The following RPN2 variants were observed in gnomAD, a reference collection of about 807,000 sequenced individuals.
RPN2 encodes dolichyl-diphosphooligosaccharide--protein glycosyltransferase subunit 2.
A neutral mutation model predicts 71.4 loss-of-function variants in RPN2; 29 were observed. The ratio of observed to expected loss-of-function variants is 0.41; its 90% CI spans 0.30 to 0.55. RPN2 has a LOEUF of 0.55. Ranked by LOEUF, RPN2 falls within the 20% of genes least tolerant of loss-of-function variation. The pLI is 0.35. For synonymous variants in RPN2, 308 were observed against 305.0 expected, an observed-to-expected ratio of 1.01 and a Z score of -0.10; for missense variants, 726 against 774.1, an observed-to-expected ratio of 0.94 and a Z score of 0.74.
intron 11 of RPN2, among the ~76,000 whole-genome samples, chr20:37,227,458 C>G (rs1010105746): frequency 1.4e-4 from 22 of 152,162 alleles, no homozygotes; most frequent in African/African-American, 4.8e-4. Context: ...GGAAGGAGAT[C>G]TGGCATCCGG....
At chr20:37,187,913 G>A (rs908145780) in intron 2 of RPN2, among the ~76,000 whole-genome samples, 3 of 152,084 alleles carry the variant, frequency 2.0e-5, no homozygotes, top group Non-Finnish European at 4.4e-5. Context: ...AAAATGCTGG[G>A]ATTACACGCG....
rs149620803 is a variant in RPN2, at chr20:37,196,833, G to A, written c.208-1564G>A. On this transcript the variant is annotated intron_variant, in intron 2 of 16. Coordinates refer to ENST00000237530, the MANE Select transcript of RPN2 (RefSeq NM_002951.5). The stretch of plus-strand genomic sequence containing the variant: ...CGGGGGCTTGGCGATTTTGTGATGT[G>A]TTTCCTTTGTGCCAGTCACTGTGAT... Among the ~76,000 whole-genome samples the A allele has an allele frequency of 2.0e-5, 3 of 152,300 alleles. No homozygotes were observed. In the East Asian group the frequency reaches 5.8e-4, roughly 29 times the overall value.
At chr20:37,188,592 G>A (rs1004886398) in intron 2 of RPN2, among the ~76,000 whole-genome samples, 3 of 149,712 alleles carry the variant, frequency 2.0e-5, no homozygotes, top group Non-Finnish European at 4.4e-5. Context: ...ATTCTGTCAA[G>A]GGCAGAATTG....
intron 14 of RPN2, 133 bp from the exon 15 acceptor site, chr20:37,233,887 G>T: frequency 1.0e-6 from 1 of 1,003,782 alleles, no homozygotes. Context: ...TCACTTGGAA[G>T]AATTGCCTGT....
chr20:37,186,068 C>T (rs1451757650), intron 2 of RPN2, among the ~76,000 whole-genome samples: 1 of 152,242 alleles, frequency 6.6e-6, no homozygotes, highest in Non-Finnish European at 1.5e-5. Flanking sequence ...CACATGGCCC[C>T]TCCACCTTTA....
intron 9 of RPN2, among the ~76,000 whole-genome samples, chr20:37,215,288 G>A (rs1237044299): frequency 6.6e-6 from 1 of 152,122 alleles, no homozygotes; most frequent in African/African-American, 2.4e-5. Context: ...CTTCCCATAG[G>A]TAGATTCAAC....
intron 1 of RPN2, among the ~76,000 whole-genome samples, chr20:37,180,953 G>T (rs1195772336): frequency 6.6e-6 from 1 of 152,140 alleles, no homozygotes; most frequent in African/African-American, 2.4e-5. Flanking sequence ...GTCTCCAGCC[G>T]GGTGCGGTAG....
chr20:37,196,967 T>G (rs1256527882), intron 2 of RPN2, among the ~76,000 whole-genome samples: 1 of 152,074 alleles, frequency 6.6e-6, no homozygotes, highest in African/African-American at 2.4e-5. Context: ...ATACCTGGCC[T>G]CTCCTGGGAG....
In RPN2 at chr20:37,236,651, C is replaced by T. The variant is rs4608; in HGVS notation, c.1825C>T (p.Leu609=). 1,266,636 of 1,613,738 alleles carry T rather than the reference C, an allele frequency of 0.78. 500,576 individuals are homozygous for T. The highest frequency in any genetic ancestry group is 0.86 in the Middle Eastern group (5,191 of 6,062). The change falls in exon 16 of 17, where the codon CTG becomes TTG. Residue 609 remains leucine, a synonymous_variant. Coordinates refer to ENST00000237530, the MANE Select transcript of RPN2 (RefSeq NM_002951.5). The part of the protein sequence containing the change: ...MFQTLKYLAI[L]GSVTFLAGNR... ...CCAGACCTTGAAGTACCTGGCCATC[C>T]TGGGCAGTGTGACGTTTCTGGCTGG...
rs767662793 is a variant in RPN2 at position 37,184,402 on chromosome 20, G to A, written c.207+29G>A. ...AGGCTGCTTTTGTCCTGGTGGTCAGGGTGGTTCAGGAGAACCTTCATCCCC... is the reference window on the plus strand; with the variant it reads ...AGGCTGCTTTTGTCCTGGTGGTCAGAGTGGTTCAGGAGAACCTTCATCCCC... On this transcript the variant is annotated intron_variant, in intron 2 of 16. Transcript: ENST00000237530. 5 of 1,598,154 alleles carry A rather than the reference G, an allele frequency of 3.1e-6. No homozygotes were observed. In the African/African-American group the frequency reaches 6.7e-5, roughly 21 times the overall value.
intron 9 of RPN2, 107 bp downstream of exon 9, chr20:37,213,972 G>T: frequency 1.2e-6 from 1 of 850,406 alleles, no homozygotes; most frequent in African/African-American, 1.7e-5. Context: ...CTACAACCAA[G>T]CTAATGTGTT....
intron 15 of RPN2, among the ~76,000 whole-genome samples, chr20:37,235,951 A>G (rs115986406): frequency 0.012 from 1,874 of 152,064 alleles, 37 homozygotes; most frequent in African/African-American, 0.043. Flanking sequence ...CACCCAGCCT[A>G]TTTATATCCT....
intron 9 of RPN2, among the ~76,000 whole-genome samples, chr20:37,223,145 G>A (rs1161152898): frequency 6.6e-6 from 1 of 152,216 alleles, no homozygotes; most frequent in Non-Finnish European, 1.5e-5. Context: ...GATTCTTAAA[G>A]CTTTCACTTC....
At chr20:37,203,087 G>A (rs2067428917) in intron 4 of RPN2, among the ~76,000 whole-genome samples, 1 of 152,052 alleles carries the variant, frequency 6.6e-6, no homozygotes, top group African/African-American at 2.4e-5. Flanking sequence ...ACCATGCCCA[G>A]CTAATATTTA....
intron 11 of RPN2, among the ~76,000 whole-genome samples, chr20:37,227,233 A>C (rs543174797): frequency 2.0e-5 from 3 of 152,360 alleles, no homozygotes; most frequent in African/African-American, 7.2e-5. Context: ...TGCCAACCAA[A>C]TAGCACAAGG....
At chr20:37,197,206 A>G (rs948463793) in intron 2 of RPN2, among the ~76,000 whole-genome samples, 1 of 152,160 alleles carries the variant, frequency 6.6e-6, no homozygotes, top group Admixed American at 6.5e-5. Flanking sequence ...TCTTGAGGGC[A>G]TTTCATGCTG....
rs1260597097 is a variant in RPN2, at chr20:37,195,634, A to G, written c.208-2763A>G. Among the ~76,000 whole-genome samples, 3 of 152,228 alleles carry G rather than the reference A, an allele frequency of 2.0e-5. No individual in the cohort carries two copies. The East Asian group carries it at 5.8e-4, about 29-fold the overall frequency. On this transcript the variant is annotated intron_variant, in intron 2 of 16. Coordinates refer to ENST00000237530, the MANE Select transcript of RPN2 (RefSeq NM_002951.5). ...AAGCACTTAGAACAGCGTTTGACAC[A>G]TTTTAAGTGCTCAGAAAGAGGTAAT... is the stretch of plus-strand genomic sequence containing the variant.
chr20:37,229,911 T>G, intron 12 of RPN2, 62 bp from the exon 13 acceptor site: 2 of 1,204,216 alleles, frequency 1.7e-6, no homozygotes, highest in Non-Finnish European at 2.5e-6. Flanking sequence ...GAGAATATTA[T>G]CTATTGAGTT....
In RPN2 at chr20:37,199,226, G is replaced by A; in HGVS notation, c.479+1G>A. Reference sequence around the variant, plus strand: ...TCAGCAAGGAGGAGACTGTGCTGGCGTGAGTTGTCATCTCGAGCATTTCTC... The same window carrying A: ...TCAGCAAGGAGGAGACTGTGCTGGCATGAGTTGTCATCTCGAGCATTTCTC... On this transcript the variant is annotated splice_donor_variant, in intron 4 of 16. Coordinates refer to ENST00000237530, the MANE Select transcript of RPN2 (RefSeq NM_002951.5). LOFTEE classifies it high-confidence loss of function. 2 of 1,613,472 alleles carry A rather than the reference G, an allele frequency of 1.2e-6. No individual in the cohort carries two copies. The highest frequency in any genetic ancestry group is 1.7e-6 in the Non-Finnish European group (2 of 1,180,014).
Sources: gnomAD v4.1 joint callset for allele counts (sites outside exome capture counted in the v4.1 genomes callset) on GRCh38, gnomAD v4.1.1 for gene constraint, MANE v1.5 for transcripts, NCBI Gene and HGNC (gene_info 2026-07-23, HGNC 2026-07-21) for gene names.